The following ALK variants were observed in gnomAD, a reference collection of about 807,000 sequenced individuals.
ALK encodes ALK tyrosine kinase receptor.
ALK carries 74 observed loss-of-function variants against 163.1 expected under a neutral mutation model. The observed-to-expected ratio is 0.45, with a 90% confidence interval of 0.38 to 0.55. The LOEUF is 0.55. Among genes scored for constraint, ALK ranks in the 20% least tolerant of loss-of-function variants. ALK has a pLI of 0.00. For synonymous variants in ALK, 960 were observed against 843.2 expected, an observed-to-expected ratio of 1.14 and a Z score of -2.40; for missense variants, 2,063 against 2,105.3, an observed-to-expected ratio of 0.98 and a Z score of 0.39.
At chr2:29,728,799 T>C (rs1679649713) in intron 1 of ALK, among the ~76,000 whole-genome samples, 1 of 152,070 alleles carries the variant, frequency 6.6e-6, no homozygotes, top group Non-Finnish European at 1.5e-5. Flanking sequence ...GGAACCTTGA[T>C]GGATGGCCCA....
intron 4 of ALK, among the ~76,000 whole-genome samples, chr2:29,394,620 T>G (rs992580781): frequency 2.0e-5 from 3 of 152,124 alleles, no homozygotes; most frequent in African/African-American, 7.2e-5. Flanking sequence ...CAGTGGGGGT[T>G]TTCCACTCCA....
At chr2:29,264,364 G>C (rs577873949) in intron 11 of ALK, among the ~76,000 whole-genome samples, 3 of 152,198 alleles carry the variant, frequency 2.0e-5, no homozygotes, top group African/African-American at 7.2e-5. Context: ...GGAACCTGAA[G>C]TTTTTTTCCC....
Position 29,811,683 on chromosome 2 carries a change from C to T in ALK, c.668-93986G>A, listed in dbSNP as rs927865428. 1.4e-4 allele frequency among the ~76,000 whole-genome samples: 21 copies of T among 152,192 alleles called. 1 individual carries two copies. Among genetic ancestry groups the T allele is most frequent in the African/African-American group, 4.8e-4 (20 of 41,450 alleles). On this transcript the variant is annotated intron_variant, in intron 1 of 28. Coordinates refer to ENST00000389048, the MANE Select transcript of ALK (RefSeq NM_004304.5). ...AAGGCATGTAGCTGACCTGGCCAAA[C>T]AGAGGATGGCAGATTGCACTGTAGG...
chr2:29,785,060 A>G (rs1345263488), intron 1 of ALK, among the ~76,000 whole-genome samples: 2 of 152,048 alleles, frequency 1.3e-5, no homozygotes, highest in Non-Finnish European at 2.9e-5. Context: ...GCTGTGGGGG[A>G]CAGCATAGCA....
chr2:29,675,509 C>G (rs1677845479), intron 3 of ALK, among the ~76,000 whole-genome samples: 1 of 151,986 alleles, frequency 6.6e-6, no homozygotes, highest in African/African-American at 2.4e-5. Context: ...CCTGATGGGA[C>G]AGAGACCAGG....
rs368059424 is a variant in ALK, at chr2:29,213,984, C to G, written c.3743G>C (p.Arg1248Pro). 1 of 1,612,872 alleles carries G rather than the reference C, an allele frequency of 6.2e-7. No homozygotes were observed. Among genetic ancestry groups the G allele is most frequent in the African/African-American group, 1.3e-5 (1 of 74,884 alleles). ...QYLEENHFIH[R>P]DIAARNCLLT... ...GAAGAGCACAGTCACTTTGACTCAC[C>G]GGTGGATGAAGTGGTTTTCCTCCAA... is the stretch of plus-strand genomic sequence containing the variant. The change falls in exon 24 of 29, where the codon CGA becomes CCA. Residue 1248 changes from arginine to proline, a missense_variant and splice_region_variant. Arg to Pro is a moderately radical substitution (Grantham distance 103, BLOSUM62 -2). Around this residue, in one of 5 missense-constraint regions of ALK, gnomAD observed 83 missense variants for 139.7 expected, o/e 0.59. Coordinates refer to ENST00000389048, the MANE Select transcript of ALK (RefSeq NM_004304.5).
At chr2:29,380,637 T>C (rs906581881) in intron 5 of ALK, among the ~76,000 whole-genome samples, 6 of 152,190 alleles carry the variant, frequency 3.9e-5, no homozygotes, top group Admixed American at 6.5e-5. Context: ...TTTCTCCATG[T>C]TGGTCAGGCT....
At chr2:29,598,047 A>G (rs1044794322) in intron 3 of ALK, among the ~76,000 whole-genome samples, 1 of 152,206 alleles carries the variant, frequency 6.6e-6, no homozygotes, top group Non-Finnish European at 1.5e-5. Flanking sequence ...TATTTTTTGG[A>G]GTCAGAGTAT....
chr2:29,654,703 G>A (rs1275393014), intron 3 of ALK, among the ~76,000 whole-genome samples: 1 of 152,082 alleles, frequency 6.6e-6, no homozygotes, highest in African/African-American at 2.4e-5. Flanking sequence ...ATTGAAAGAT[G>A]TTATTTCCAT....
intron 4 of ALK, among the ~76,000 whole-genome samples, chr2:29,495,144 G>A (rs1172737186): frequency 1.3e-5 from 2 of 152,120 alleles, no homozygotes; most frequent in African/African-American, 4.8e-5. Flanking sequence ...GAGCCGGGGT[G>A]GACTTAGGAA....
chr2:29,594,234 G>A (rs1675138968), intron 3 of ALK, among the ~76,000 whole-genome samples: 1 of 152,062 alleles, frequency 6.6e-6, no homozygotes, highest in African/African-American at 2.4e-5. Flanking sequence ...CTATTTACTA[G>A]TATCTATGTT....
At chr2:29,692,428 A>G (rs990402759) in intron 3 of ALK, among the ~76,000 whole-genome samples, 3 of 152,196 alleles carry the variant, frequency 2.0e-5, no homozygotes, top group African/African-American at 7.2e-5. Flanking sequence ...AGTTTCTTGG[A>G]AGACAATTTT....
intron 24 of ALK, 58 bp from the exon 25 acceptor site, chr2:29,209,936 G>A (rs919610548): frequency 3.0e-5 from 41 of 1,370,854 alleles, no homozygotes; most frequent in African/African-American, 2.4e-4. Flanking sequence ...AGTGTACAAC[G>A]GCCATCACTA....
rs80088378 is a variant in ALK at position 29,193,171 on chromosome 2, C to T, written c.*53G>A. ...TTTGTGAAGGAGCCATTGCCTCTCT[C>T]TCCTCCACGGTCTTAGGGATCCCAA... On this transcript the variant is annotated 3_prime_UTR_variant, in exon 29 of 29. Transcript: ENST00000389048. 6 of 1,585,144 alleles carry T rather than the reference C, an allele frequency of 3.8e-6. No homozygotes were observed. In the East Asian group the frequency reaches 1.1e-4, roughly 30 times the overall value.
In ALK at chr2:29,384,360, T is replaced by C. The variant is rs60177499; in HGVS notation, c.1155-501A>G. Among the ~76,000 whole-genome samples, 227 of 152,314 alleles carry C rather than the reference T, an allele frequency of 1.5e-3. 2 individuals carry two copies. Among genetic ancestry groups the C allele is most frequent in the African/African-American group, 5.4e-3 (223 of 41,562 alleles). ...TTAAGACGGAAGCTAGTAAGAACTA[T>C]TTATTTACTGCAGGAAAATTAAAGT... On this transcript the variant is annotated intron_variant, in intron 4 of 28. Coordinates refer to ENST00000389048, the MANE Select transcript of ALK (RefSeq NM_004304.5).
intron 5 of ALK, among the ~76,000 whole-genome samples, chr2:29,358,841 C>T (rs1461595029): frequency 6.6e-6 from 1 of 152,134 alleles, no homozygotes; most frequent in African/African-American, 2.4e-5. Context: ...GTCATAGATC[C>T]TTCCTCCTTA....
intron 11 of ALK, among the ~76,000 whole-genome samples, chr2:29,271,193 G>A (rs1216175652): frequency 6.6e-6 from 1 of 152,182 alleles, no homozygotes; most frequent in Non-Finnish European, 1.5e-5. Context: ...CAGGCCTGTG[G>A]AGCCTGCCTT....
intron 4 of ALK, among the ~76,000 whole-genome samples, chr2:29,391,307 G>GA (rs771041035): frequency 1.7e-5 from 2 of 117,074 alleles, no homozygotes; most frequent in Non-Finnish European, 2.0e-5. Context: ...CTTTTTTTTG[G>GA]GGGGGGGGTG....
intron 4 of ALK, among the ~76,000 whole-genome samples, chr2:29,450,863 G>A (rs901397448): frequency 5.3e-5 from 8 of 152,204 alleles, no homozygotes; most frequent in African/African-American, 1.7e-4. Flanking sequence ...TAATCATAGT[G>A]CATTCCTGTT....
Sources: allele counts gnomAD v4.1 joint callset (sites outside exome capture counted in the v4.1 genomes callset), GRCh38; gene constraint gnomAD v4.1.1; regional missense constraint gnomAD v4.1.1; transcripts MANE v1.5; gene names NCBI Gene and HGNC (gene_info 2026-07-23, HGNC 2026-07-21).